NTM: variants seen among roughly 807,000 people sequenced by gnomAD.
NTM encodes IgLON family member 2.
NTM carries 13 observed loss-of-function variants against 42.1 expected under a neutral mutation model. That is an observed-to-expected ratio of 0.31 (90% CI 0.20 to 0.49). The LOEUF (loss-of-function observed/expected upper bound fraction) is 0.49. Ranked by LOEUF, NTM falls within the 20% of genes least tolerant of loss-of-function variation. NTM has a pLI of 0.99. For missense variants in NTM, 373 were observed against 452.8 expected (o/e 0.82, Z 1.60); for synonymous variants, 187 against 179.2 (o/e 1.04, Z -0.35).
intron 4 of NTM, among the ~76,000 whole-genome samples, chr11:132,298,965 T>C (rs1190915621): frequency 3.9e-5 from 6 of 152,228 alleles, no homozygotes; most frequent in African/African-American, 1.4e-4. Flanking sequence ...TCTATATTTA[T>C]TGCTTTATGA....
At chr11:131,818,943 A>C (rs1407912289) in intron 1 of NTM, among the ~76,000 whole-genome samples, 1 of 152,220 alleles carries the variant, frequency 6.6e-6, no homozygotes, top group South Asian at 2.1e-4. Flanking sequence ...TTGGGGCTTC[A>C]AGGTCACACA....
chr11:132,227,796 A>G (rs1462056562), intron 4 of NTM, among the ~76,000 whole-genome samples: 1 of 152,148 alleles, frequency 6.6e-6, no homozygotes, highest in Non-Finnish European at 1.5e-5. Context: ...AAGTGAGACT[A>G]TCTGCTGCCA....
chr11:131,540,981 G>T (rs555345691), intron 1 of NTM: 1 of 152,272 alleles, frequency 6.6e-6, no homozygotes, highest in Non-Finnish European at 1.5e-5. Context: ...GTTCGTTAGT[G>T]GCACGAGAGG....
chr11:131,762,601 C>T (rs528887206), intron 1 of NTM, among the ~76,000 whole-genome samples: 1 of 152,342 alleles, frequency 6.6e-6, no homozygotes, highest in South Asian at 2.1e-4. Context: ...GCCCTGTCGC[C>T]CTTCCCCTTC....
intron 2 of NTM, among the ~76,000 whole-genome samples, chr11:132,043,255 T>C (rs2077446968): frequency 6.6e-6 from 1 of 152,240 alleles, no homozygotes; most frequent in South Asian, 2.1e-4. Context: ...GGACCTGAGC[T>C]TGGTTTTAAG....
intron 3 of NTM, among the ~76,000 whole-genome samples, chr11:132,184,806 C>A (rs1422443758): frequency 1.3e-5 from 2 of 152,132 alleles, no homozygotes; most frequent in African/African-American, 4.8e-5. Context: ...GGCAGTTGAC[C>A]TTCAGTCAGA....
At chr11:131,979,070 C>G (rs2064850312) in intron 2 of NTM, among the ~76,000 whole-genome samples, 1 of 151,996 alleles carries the variant, frequency 6.6e-6, no homozygotes, top group Admixed American at 6.6e-5. Flanking sequence ...AGTTAGGAAC[C>G]AGACATAGGA....
At chr11:131,842,169 A>C (rs1186510514) in intron 1 of NTM, among the ~76,000 whole-genome samples, 1 of 152,184 alleles carries the variant, frequency 6.6e-6, no homozygotes, top group Non-Finnish European at 1.5e-5. Flanking sequence ...AGGTGGTTTT[A>C]GGGCAGAAGT....
intron 7 of NTM, among the ~76,000 whole-genome samples, chr11:132,319,853 C>T (rs995570009): frequency 7.9e-5 from 12 of 152,174 alleles, no homozygotes; most frequent in South Asian, 2.1e-4. Flanking sequence ...AGTAGCCTAA[C>T]GGGAGGCACC....
chr11:132,230,595 C>A (rs561726439), intron 4 of NTM, among the ~76,000 whole-genome samples: 1 of 152,240 alleles, frequency 6.6e-6, no homozygotes, highest in East Asian at 1.9e-4. Context: ...CCGCGCCTTG[C>A]GCACTTTGCC....
At chr11:131,479,016 C>T (rs1953262090) in intron 1 of NTM, among the ~76,000 whole-genome samples, 2 of 152,120 alleles carry the variant, frequency 1.3e-5, no homozygotes, top group Admixed American at 6.5e-5. Context: ...TTCCTAGTGC[C>T]CCGCACGCCA....
intron 2 of NTM, among the ~76,000 whole-genome samples, chr11:132,064,980 G>A (rs745685487): frequency 3.3e-5 from 5 of 152,202 alleles, no homozygotes; most frequent in African/African-American, 4.8e-5. Flanking sequence ...ACAAGGATGT[G>A]TGTGTATGTT....
chr11:132,055,786 C>T (rs964116922), intron 2 of NTM, among the ~76,000 whole-genome samples: 4 of 152,126 alleles, frequency 2.6e-5, no homozygotes, highest in African/African-American at 9.7e-5. Context: ...CCGTCTCTTT[C>T]AGGAATTGGG....
At chr11:131,569,194 G>C (rs375978935) in intron 1 of NTM, among the ~76,000 whole-genome samples, 2 of 150,784 alleles carry the variant, frequency 1.3e-5, no homozygotes, top group South Asian at 2.1e-4. Flanking sequence ...ACCCAGGCTG[G>C]TGTGCAATGG....
chr11:131,408,024 T>TA (rs966651181), intron 1 of NTM, among the ~76,000 whole-genome samples: 12 of 152,336 alleles, frequency 7.9e-5, no homozygotes, highest in Admixed American at 1.3e-4. Flanking sequence ...ATGCAACAGT[T>TA]AGTTATTTCA....
intron 3 of NTM, among the ~76,000 whole-genome samples, chr11:132,182,053 C>T (rs1319407560): frequency 1.3e-5 from 2 of 151,478 alleles, no homozygotes; most frequent in Admixed American, 6.6e-5. Context: ...CAAAAACCCA[C>T]TCCATATTTC....
Position 132,025,506 on chromosome 11 carries a change from T to G in NTM, c.167+113858T>G, listed in dbSNP as rs145812146. On this transcript the variant is annotated intron_variant, in intron 2 of 8. Transcript: ENST00000683400. ...AATGCACATACTCGGGCCCCATTTC[T>G]GACCCATTGTACGAGAAATTCTTGG... Among the ~76,000 whole-genome samples, 1,006 of 152,314 alleles carry G rather than the reference T, an allele frequency of 6.6e-3. 9 individuals are homozygous for G. Among genetic ancestry groups the G allele is most frequent in the African/African-American group, 0.023 (951 of 41,572 alleles).
At chr11:131,753,805 A>C (rs1445113709) in intron 1 of NTM, among the ~76,000 whole-genome samples, 3 of 150,472 alleles carry the variant, frequency 2.0e-5, no homozygotes, top group Admixed American at 6.6e-5. Context: ...TGACGAATTA[A>C]TGGGTGCAGC....
chr11:132,239,174 C>T (rs1327713766), intron 4 of NTM, among the ~76,000 whole-genome samples: 3 of 152,096 alleles, frequency 2.0e-5, no homozygotes, highest in Non-Finnish European at 4.4e-5. Flanking sequence ...CCTAAAATGT[C>T]GTAAGAAATT....
Sources: gnomAD v4.1 joint callset for allele counts (sites outside exome capture counted in the v4.1 genomes callset) on GRCh38, gnomAD v4.1.1 for gene constraint, MANE v1.5 for transcripts, NCBI Gene and HGNC (gene_info 2026-07-23, HGNC 2026-07-21) for gene names.